Variants in SLC24A2 observed in about 807,000 individuals in gnomAD.
SLC24A2 encodes sodium/potassium/calcium exchanger 2.
Under a neutral mutation model 62.0 loss-of-function variants are expected in SLC24A2, and 36 were observed. The observed-to-expected ratio is 0.58, with a 90% CI of 0.44 to 0.77. SLC24A2 has a LOEUF of 0.77. Among genes scored for constraint, SLC24A2 ranks in the 30% least tolerant of loss-of-function variants. The pLI, the probability that SLC24A2 is intolerant of heterozygous loss-of-function variation, is 0.00. For synonymous variants in SLC24A2, 358 were observed against 294.0 expected, an observed-to-expected ratio of 1.22 and a Z score of -2.23; for missense variants, 846 against 817.9, an observed-to-expected ratio of 1.03 and a Z score of -0.42.
At chr9:19,995,376 T>C in the SLC24A2 span, among the ~76,000 whole-genome samples, 5 of 152,218 alleles carry the variant, frequency 3.3e-5, no homozygotes, top group African/African-American at 9.6e-5. Context: ...AGGTTATGTG[T>C]GGGTGCCTTA....
At chr9:20,260,501 C>A in the SLC24A2 span, among the ~76,000 whole-genome samples, 1 of 152,166 alleles carries the variant, frequency 6.6e-6, no homozygotes, top group Non-Finnish European at 1.5e-5. Context: ...TAGCTAAATA[C>A]AATTAGATAT....
At chr9:19,583,322 G>C (rs1836262577) in intron 5 of SLC24A2, among the ~76,000 whole-genome samples, 1 of 152,152 alleles carries the variant, frequency 6.6e-6, no homozygotes, top group African/African-American at 2.4e-5. Context: ...TCACCTCATT[G>C]AGGCTTGTCT....
rs370098891 is a variant in SLC24A2, at chr9:19,568,762, A to G, written c.1347+4589T>C. ...CCATTATTATTTTTAGTGTTGCTGCATTTTTTTTGGAAAAGGTAATGCAAT... is the reference window on the plus strand; with the variant it reads ...CCATTATTATTTTTAGTGTTGCTGCGTTTTTTTTGGAAAAGGTAATGCAAT... On this transcript the variant is annotated intron_variant, in intron 7 of 10. Coordinates refer to ENST00000341998, the MANE Select transcript of SLC24A2 (RefSeq NM_020344.4). Among the ~76,000 whole-genome samples the G allele has an allele frequency of 1.0e-3, 154 of 152,056 alleles. 3 individuals are homozygous for G. The South Asian group carries it at 0.028, about 28-fold the overall frequency.
At chr9:19,986,671 T>C in the SLC24A2 span, among the ~76,000 whole-genome samples, 2 of 152,182 alleles carry the variant, frequency 1.3e-5, no homozygotes, top group African/African-American at 4.8e-5. Context: ...CACTACGTTA[T>C]ATGAAAGAAG....
At chr9:20,163,841 A>C in the SLC24A2 span, among the ~76,000 whole-genome samples, 1 of 152,216 alleles carries the variant, frequency 6.6e-6, no homozygotes, top group Non-Finnish European at 1.5e-5. Flanking sequence ...ATCTACAACT[A>C]TCTGATCTTT....
At chr9:20,246,591 CA>C in the SLC24A2 span, among the ~76,000 whole-genome samples, 1 of 152,166 alleles carries the variant, frequency 6.6e-6, no homozygotes, top group African/African-American at 2.4e-5. Flanking sequence ...GAGAAGACTA[CA>C]GTAATGACAA....
chr9:20,162,687 T>A, the SLC24A2 span, among the ~76,000 whole-genome samples: 21 of 152,058 alleles, frequency 1.4e-4, no homozygotes, highest in African/African-American at 3.6e-4. Context: ...AAAAAGAGAA[T>A]TTTAGACCAA....
chr9:20,186,226 G>C, the SLC24A2 span, among the ~76,000 whole-genome samples: 1 of 152,110 alleles, frequency 6.6e-6, no homozygotes, highest in South Asian at 2.1e-4. Context: ...CCTTGTTTCT[G>C]AGGCTCATCT....
At chr9:19,919,827 A>G in the SLC24A2 span, among the ~76,000 whole-genome samples, 2 of 152,158 alleles carry the variant, frequency 1.3e-5, no homozygotes, top group Non-Finnish European at 1.5e-5. Context: ...AAAACTCACT[A>G]GAACAGCATG....
chr9:20,023,879 T>G, the SLC24A2 span, among the ~76,000 whole-genome samples: 1 of 152,228 alleles, frequency 6.6e-6, no homozygotes, highest in African/African-American at 2.4e-5. Context: ...TACTTAGGAA[T>G]ATGTTTTCCG....
At chr9:20,198,119 C>T in the SLC24A2 span, among the ~76,000 whole-genome samples, 1 of 152,182 alleles carries the variant, frequency 6.6e-6, no homozygotes, top group Non-Finnish European at 1.5e-5. Context: ...AGATGTGATC[C>T]CCAGGGATTG....
chr9:20,179,422 T>A, the SLC24A2 span, among the ~76,000 whole-genome samples: 4 of 151,998 alleles, frequency 2.6e-5, no homozygotes, highest in Non-Finnish European at 5.9e-5. Flanking sequence ...GAACATGAGA[T>A]CATCATGACT....
chr9:19,860,163 C>T, the SLC24A2 span, among the ~76,000 whole-genome samples: 2 of 152,258 alleles, frequency 1.3e-5, no homozygotes, highest in Non-Finnish European at 2.9e-5. Flanking sequence ...CTAAGTTGCA[C>T]AGCTCATGGC....
chr9:20,099,629 T>A, the SLC24A2 span, among the ~76,000 whole-genome samples: 2 of 152,020 alleles, frequency 1.3e-5, no homozygotes, highest in African/African-American at 4.8e-5. Context: ...CCAAAAATCC[T>A]TTTCAGGCTC....
At chr9:20,120,784 T>C in the SLC24A2 span, among the ~76,000 whole-genome samples, 2 of 152,130 alleles carry the variant, frequency 1.3e-5, no homozygotes, top group African/African-American at 4.8e-5. Flanking sequence ...TATAGACTTA[T>C]GATCACTTTC....
chr9:20,251,481 T>G, the SLC24A2 span, among the ~76,000 whole-genome samples: 1 of 152,234 alleles, frequency 6.6e-6, no homozygotes, highest in Admixed American at 6.5e-5. Flanking sequence ...ATTTGCATTT[T>G]CTTCATTAAA....
the SLC24A2 span, among the ~76,000 whole-genome samples, chr9:19,798,816 C>T: frequency 6.6e-6 from 1 of 152,180 alleles, no homozygotes; most frequent in Non-Finnish European, 1.5e-5. Context: ...ATTTATACCT[C>T]TCTCTACTTT....
chr9:19,638,040 T>G (rs1258982971), intron 2 of SLC24A2, among the ~76,000 whole-genome samples: 1 of 152,178 alleles, frequency 6.6e-6, no homozygotes, highest in African/African-American at 2.4e-5. Flanking sequence ...CATTTAATAT[T>G]TATAGCTCCA....
the SLC24A2 span, among the ~76,000 whole-genome samples, chr9:20,255,631 G>T: frequency 6.6e-6 from 1 of 152,168 alleles, no homozygotes; most frequent in Non-Finnish European, 1.5e-5. Flanking sequence ...CTAAGAGGCT[G>T]CTTGGATTTC....
Sources: gnomAD v4.1 joint callset for allele counts (sites outside exome capture counted in the v4.1 genomes callset) on GRCh38, gnomAD v4.1.1 for gene constraint, MANE v1.5 for transcripts, NCBI Gene and HGNC (gene_info 2026-07-23, HGNC 2026-07-21) for gene names.